The following NMNAT3 variants were observed in gnomAD, a reference collection of about 807,000 sequenced individuals.
NMNAT3 encodes nicotinamide nucleotide adenylyltransferase 3, also known as nicotinamide/nicotinic acid mononucleotide adenylyltransferase 3.
NMNAT3 carries 21 observed loss-of-function variants against 24.8 expected under a neutral mutation model. The ratio of observed to expected loss-of-function variants is 0.85; its 90% CI spans 0.60 to 1.22. The LOEUF is 1.22. Ranked by LOEUF, NMNAT3 falls within the 50% of genes most tolerant of loss-of-function variation. NMNAT3 has a pLI of 0.00. For missense variants in NMNAT3, 387 were observed against 436.6 expected (o/e 0.89, Z 1.01); for synonymous variants, 136 against 155.2 (o/e 0.88, Z 0.92).
At chr3:139,603,469 A>T (rs897544015) in intron 3 of NMNAT3, among the ~76,000 whole-genome samples, 1 of 152,224 alleles carries the variant, frequency 6.6e-6, no homozygotes, top group African/African-American at 2.4e-5. Flanking sequence ...TCTGAAATTC[A>T]GGTTAAAACA....
intron 2 of NMNAT3, among the ~76,000 whole-genome samples, chr3:139,628,401 A>G (rs1271581405): frequency 1.3e-5 from 2 of 152,260 alleles, no homozygotes; most frequent in Non-Finnish European, 2.9e-5. Context: ...AGTCATAGAC[A>G]TAAAATCTCT....
At chr3:139,573,723 G>T (rs1192201383) in intron 5 of NMNAT3, 43 bp from the exon 6 acceptor site, 5 of 1,092,838 alleles carry the variant, frequency 4.6e-6, no homozygotes, top group Non-Finnish European at 5.2e-6. Flanking sequence ...CTGTCCTCCA[G>T]CCCTCAAAGC....
At chr3:139,669,539 T>C (rs2057694318) in intron 1 of NMNAT3, among the ~76,000 whole-genome samples, 1 of 151,344 alleles carries the variant, frequency 6.6e-6, no homozygotes, top group African/African-American at 2.4e-5. Flanking sequence ...TGAATTAAGT[T>C]GAAATGTCAG....
chr3:139,590,911 T>C (rs1559881463), intron 3 of NMNAT3, among the ~76,000 whole-genome samples: 1 of 152,172 alleles, frequency 6.6e-6, no homozygotes, highest in African/African-American at 2.4e-5. Context: ...TTTTAATAGC[T>C]GCATAATGAT....
At chr3:139,644,462 T>C (rs1410705124) in intron 1 of NMNAT3, among the ~76,000 whole-genome samples, 1 of 152,158 alleles carries the variant, frequency 6.6e-6, no homozygotes, top group East Asian at 1.9e-4. Context: ...TACCACTCAG[T>C]CACTCTAAGA....
intron 3 of NMNAT3, among the ~76,000 whole-genome samples, chr3:139,587,877 C>A (rs76570539): frequency 1.3e-5 from 2 of 152,256 alleles, no homozygotes; most frequent in East Asian, 3.9e-4. Context: ...ACATTAATTT[C>A]TGTTTTATAG....
intron 1 of NMNAT3, chr3:139,672,662 G>C (rs1363153085): frequency 6.6e-6 from 1 of 152,244 alleles, no homozygotes; most frequent in African/African-American, 2.4e-5. Flanking sequence ...TCCTTCCTTT[G>C]CTGCAGAGAA....
chr3:139,668,499 G>C (rs960292559), intron 1 of NMNAT3, among the ~76,000 whole-genome samples: 6 of 152,210 alleles, frequency 3.9e-5, no homozygotes, highest in Non-Finnish European at 5.9e-5. Context: ...AAAAGGAAGG[G>C]AGACAGTCAG....
chr3:139,566,500 A>G (rs1020229006), intron 6 of NMNAT3: 6 of 152,274 alleles, frequency 3.9e-5, no homozygotes, highest in East Asian at 3.9e-4. Flanking sequence ...TTTTAGGTCT[A>G]ACATTTAAGT....
At chr3:139,675,652 A>G (rs1478022506) in intron 1 of NMNAT3, among the ~76,000 whole-genome samples, 1 of 151,980 alleles carries the variant, frequency 6.6e-6, no homozygotes, top group South Asian at 2.1e-4. Flanking sequence ...ACAATTCCTC[A>G]TACTGCCTCC....
chr3:139,654,156 G>A (rs1209776558), intron 1 of NMNAT3, among the ~76,000 whole-genome samples: 1 of 152,164 alleles, frequency 6.6e-6, no homozygotes, highest in African/African-American at 2.4e-5. Context: ...AGCATGAGAG[G>A]TACCTGATTA....
chr3:139,574,000 G>C (rs1938885169), intron 5 of NMNAT3, among the ~76,000 whole-genome samples: 1 of 152,174 alleles, frequency 6.6e-6, no homozygotes, highest in African/African-American at 2.4e-5. Flanking sequence ...CTGCTGAGTA[G>C]GGGTTAAGGA....
chr3:139,594,287 C>CAAT (rs1176409794), intron 3 of NMNAT3, among the ~76,000 whole-genome samples: 1 of 152,106 alleles, frequency 6.6e-6, no homozygotes, highest in East Asian at 1.9e-4. Flanking sequence ...CTGAATAGAC[C>CAAT]AATAACAGGA....
intron 6 of NMNAT3, among the ~76,000 whole-genome samples, chr3:139,571,650 A>G (rs1046071563): frequency 2.0e-5 from 3 of 152,164 alleles, no homozygotes; most frequent in East Asian, 1.9e-4. Flanking sequence ...GATTCTGGAA[A>G]GAACCTGGAG....
At chr3:139,642,518 T>TGGCG (rs1365356603) in intron 1 of NMNAT3, among the ~76,000 whole-genome samples, 1 of 152,238 alleles carries the variant, frequency 6.6e-6, no homozygotes, top group African/African-American at 2.4e-5. Flanking sequence ...AGCCCCACTG[T>TGGCG]GGCGCTGCCC....
chr3:139,597,533 C>T lies in NMNAT3; in HGVS notation c.110-14325G>A, dbSNP rs143369266. Among the ~76,000 whole-genome samples the T allele has an allele frequency of 1.8e-3, 277 of 152,158 alleles. 1 individual carries two copies. The highest frequency in any genetic ancestry group is 4.4e-3 in the African/African-American group (184 of 41,512). ...ACTACTTTATATGGGTATTTTGCAC[C>T]TAAGATTATATTGTTAAACACTAGC... On this transcript the variant is annotated intron_variant, in intron 3 of 6. Transcript: ENST00000643695.
At chr3:139,593,304 G>A (rs555781812) in intron 3 of NMNAT3, among the ~76,000 whole-genome samples, 1 of 152,138 alleles carries the variant, frequency 6.6e-6, no homozygotes, top group Non-Finnish European at 1.5e-5. Context: ...GGAGCACCCA[G>A]ATTCATAAAG....
At chr3:139,563,330 T>A (rs889161624) in intron 6 of NMNAT3, among the ~76,000 whole-genome samples, 1 of 152,162 alleles carries the variant, frequency 6.6e-6, no homozygotes, top group Non-Finnish European at 1.5e-5. Context: ...AACAATTAGG[T>A]AGTTTTATGT....
intron 3 of NMNAT3, among the ~76,000 whole-genome samples, chr3:139,617,936 G>C (rs1385024296): frequency 6.6e-6 from 1 of 152,164 alleles, no homozygotes; most frequent in African/African-American, 2.4e-5. Context: ...ATGTTGTGCT[G>C]AATCATTTTC....
Sources: gnomAD v4.1 joint callset for allele counts (sites outside exome capture counted in the v4.1 genomes callset) on GRCh38, gnomAD v4.1.1 for gene constraint, MANE v1.5 for transcripts, NCBI Gene and HGNC (gene_info 2026-07-23, HGNC 2026-07-21) for gene names.